Variants in ZNF217 observed in about 807,000 individuals in gnomAD.
The protein encoded by ZNF217 is zinc finger protein 217.
ZNF217 carries 12 observed loss-of-function variants against 73.3 expected under a neutral mutation model. That is an observed-to-expected ratio of 0.16 (90% confidence interval 0.10 to 0.27). The LOEUF is 0.27. Ranked by LOEUF, ZNF217 falls within the 10% of genes least tolerant of loss-of-function variation. ZNF217 has a pLI of 1.00. For missense variants in ZNF217, 1,195 were observed against 1,327.8 expected, an observed-to-expected ratio of 0.90 and a Z score of 1.55; for synonymous variants, 588 against 516.4, an observed-to-expected ratio of 1.14 and a Z score of -1.88.
chr20:53,584,785 CTT>C (rs993510946), intron 1 of ZNF217, among the ~76,000 whole-genome samples: 1 of 152,176 alleles, frequency 6.6e-6, no homozygotes, highest in Non-Finnish European at 1.5e-5. Flanking sequence ...TGTGAAGTGA[CTT>C]AGGTTTCTAT....
chr20:53,593,645 C>CT (rs1988963763), intron 1 of ZNF217, 111 bp downstream of exon 1: 1 of 151,224 alleles, frequency 6.6e-6, no homozygotes. Context: ...TGAGGTCATC[C>CT]TGGGGGGGGA....
At chr20:53,586,398 A>C (rs1308617371) in intron 1 of ZNF217, among the ~76,000 whole-genome samples, 1 of 152,096 alleles carries the variant, frequency 6.6e-6, no homozygotes, top group Non-Finnish European at 1.5e-5. Flanking sequence ...CAAGAGTACA[A>C]TTTCAAGAGC....
rs1174867495 is a variant in ZNF217, at chr20:53,567,798, T to C, written c.*1490A>G. On this transcript the variant is annotated 3_prime_UTR_variant, in exon 6 of 6. Transcript: ENST00000371471. ...TCCCTTGTAACACAGGAGCTAAGACTTCTATCAAGGAGGACATCTTACGTT... is the reference window on the plus strand; with the variant it reads ...TCCCTTGTAACACAGGAGCTAAGACCTCTATCAAGGAGGACATCTTACGTT... The C allele has an allele frequency of 6.6e-6, 1 of 152,528 alleles. No homozygotes were observed. The highest frequency in any genetic ancestry group is 1.5e-5 in the Non-Finnish European group (1 of 68,032). The allele number at this position is 152,528 out of a possible 1,614,324, so 9.4% of individuals were successfully genotyped here.
At chr20:53,591,498 G>T (rs1854040) in intron 1 of ZNF217, among the ~76,000 whole-genome samples, 1 of 152,166 alleles carries the variant, frequency 6.6e-6, no homozygotes, top group East Asian at 1.9e-4. Flanking sequence ...ACTGACAACT[G>T]TATTTTAAAT....
chr20:53,583,366 T>C (rs1045242427), intron 1 of ZNF217, among the ~76,000 whole-genome samples, 198 bp from the exon 2 acceptor site: 2 of 152,218 alleles, frequency 1.3e-5, no homozygotes, highest in Non-Finnish European at 2.9e-5. Context: ...GTACACTTAT[T>C]AAATCAGAAT....
chr20:53,586,288 C>T (rs1395296299), intron 1 of ZNF217, among the ~76,000 whole-genome samples: 1 of 152,146 alleles, frequency 6.6e-6, no homozygotes, highest in Non-Finnish European at 1.5e-5. Flanking sequence ...TGGCCACAGT[C>T]ACTAACCGTA....
intron 1 of ZNF217, among the ~76,000 whole-genome samples, chr20:53,593,226 G>C (rs7267423): frequency 6.6e-6 from 1 of 152,004 alleles, no homozygotes; most frequent in Non-Finnish European, 1.5e-5. Context: ...CGCCCGGCCC[G>C]AGTGGACCGT....
At chr20:53,580,691 G>C (rs796160750) in intron 2 of ZNF217, among the ~76,000 whole-genome samples, 3 of 152,294 alleles carry the variant, frequency 2.0e-5, no homozygotes, top group African/African-American at 7.2e-5. Flanking sequence ...TCTTAAAAAT[G>C]TCTTCAGTGT....
At chr20:53,584,096 G>A (rs1407184504) in intron 1 of ZNF217, among the ~76,000 whole-genome samples, 1 of 152,090 alleles carries the variant, frequency 6.6e-6, no homozygotes, top group Non-Finnish European at 1.5e-5. Flanking sequence ...ATTTAGCTCT[G>A]CTGCTTCTGG....
Position 53,581,554 on chromosome 20 carries a change from C to T in ZNF217, c.1273G>A (p.Ala425Thr), listed in dbSNP as rs776065517. 3.7e-6 allele frequency: 6 copies of T among 1,614,192 alleles called. No homozygotes were observed. The highest frequency in any genetic ancestry group is 2.2e-5 in the South Asian group (2 of 91,088). ...GCTCCATTTTCATCCAGAGGGGCGG[C>T]GAGGTCAGGAGAACACGTCCCCGGC... ...RQPGTCSPDL[A>T]APLDENGAVD... The change falls in exon 2 of 6, where the codon GCC becomes ACC. Residue 425 changes from alanine to threonine, a missense_variant. This residue lies in a region of ZNF217 where 116 missense variants were observed against 121.9 expected (regional missense o/e 0.95). Transcript: ENST00000371471. The surrounding 1 kb of genome is among the most constrained non-coding windows in gnomAD (Gnocchi z 4.9).
intron 1 of ZNF217, among the ~76,000 whole-genome samples, chr20:53,589,311 C>A (rs1446114333): frequency 6.6e-6 from 1 of 152,226 alleles, no homozygotes; most frequent in African/African-American, 2.4e-5. Context: ...CTTCAGCTGT[C>A]TTTTCAGGTT....
chr20:53,578,253 G>A (rs1988355939), intron 3 of ZNF217, 81 bp downstream of exon 3: 17 of 884,628 alleles, frequency 1.9e-5, no homozygotes, highest in Non-Finnish European at 2.8e-5. Context: ...ATCTGGCAGA[G>A]TATCTGAACA....
chr20:53,581,968 T>C lies in ZNF217; in HGVS notation c.859A>G (p.Ile287Val). 6.2e-7 allele frequency: 1 copy of C among 1,614,198 alleles called. No individual in the cohort carries two copies. ...GTGGTGAACGGATCGAGCTGAGGGA[T>C]GCATCTGACAGGCTTCTTCCCCGTT... Reference protein sequence around the residue: ...PETGKKPVRCIPQLDPFTTFQ... With the variant: ...PETGKKPVRCVPQLDPFTTFQ... The change falls in exon 2 of 6, where the codon ATC (isoleucine) becomes GTC (valine). Residue 287 changes from isoleucine (I) to valine (V), a missense_variant. Ile to Val is a conservative substitution (Grantham distance 29). Transcript: ENST00000371471. The surrounding 1 kb of genome is among the most constrained non-coding windows in gnomAD (Gnocchi z 4.9).
intron 5 of ZNF217, among the ~76,000 whole-genome samples, chr20:53,571,402 C>G (rs886730047): frequency 2.0e-5 from 1 of 49,944 alleles, no homozygotes; most frequent in Non-Finnish European, 3.5e-5. Context: ...CAATCCCCGC[C>G]CCCGCCCCCC....
At chr20:53,597,471 A>G (rs1486277142), upstream of ZNF217, among the ~76,000 whole-genome samples, 2 of 152,194 alleles carry the variant, frequency 1.3e-5, no homozygotes, top group African/African-American at 2.4e-5. Context: ...AATGCACTCA[A>G]GTAAGTAGGA....
At chr20:53,597,355 G>C (rs966935264), upstream of ZNF217, among the ~76,000 whole-genome samples, 2 of 152,084 alleles carry the variant, frequency 1.3e-5, no homozygotes, top group Non-Finnish European at 2.9e-5. Flanking sequence ...CTGCAGTGAG[G>C]AGTTAGCAGG....
At chr20:53,585,169 CT>C (rs1437734453) in intron 1 of ZNF217, among the ~76,000 whole-genome samples, 2 of 140,152 alleles carry the variant, frequency 1.4e-5, no homozygotes, top group African/African-American at 5.3e-5. Context: ...ATTTTAGAAA[CT>C]TGACTAATAC....
At chr20:53,569,539 C>T (rs867269685) in intron 5 of ZNF217, among the ~76,000 whole-genome samples, 23 of 152,072 alleles carry the variant, frequency 1.5e-4, no homozygotes, top group Admixed American at 1.3e-3. Context: ...TGCACCACCA[C>T]GCCCGGCTAA....
Position 53,581,619 on chromosome 20 carries a change from G to A in ZNF217, c.1208C>T (p.Ala403Val), listed in dbSNP as rs752990978. 1.9e-6 allele frequency: 3 copies of A among 1,614,080 alleles called. No individual in the cohort carries two copies. The highest frequency in any genetic ancestry group is 2.5e-6 in the Non-Finnish European group (3 of 1,180,030). The change falls in exon 2 of 6, where the codon GCC becomes GTC. Residue 403 changes from alanine (A) to valine (V), a missense_variant. By Grantham distance (64) the Ala-to-Val change is moderately conservative (BLOSUM62 0). Coordinates refer to ENST00000371471, the MANE Select transcript of ZNF217 (RefSeq NM_006526.3). This position sits in a 1 kb window ranked among gnomAD's most constrained non-coding sequence, Gnocchi z 4.9. ...HSRVHKKDRR[A>V]GAESPTMSVD... ...AGACATGGTGGGCGACTCCGCGCCGGCCCTCCGGTCCTTCTTGTGGACCCT... is the reference window on the plus strand; with the variant it reads ...AGACATGGTGGGCGACTCCGCGCCGACCCTCCGGTCCTTCTTGTGGACCCT...
Sources: gnomAD v4.1 joint callset for allele counts (sites outside exome capture counted in the v4.1 genomes callset) on GRCh38, gnomAD v4.1.1 for gene constraint, gnomAD v4.1.1 regional missense constraint, Gnocchi (gnomAD v3.1) non-coding constraint, MANE v1.5 for transcripts, NCBI Gene and HGNC (gene_info 2026-07-23, HGNC 2026-07-21) for gene names.